Variants in TEAD1 observed in about 807,000 individuals in gnomAD.
The protein encoded by TEAD1 is TEA domain transcription factor 1.
A neutral mutation model predicts 54.9 loss-of-function variants in TEAD1; 9 were observed. The ratio of observed to expected loss-of-function variants is 0.16; its 90% CI spans 0.10 to 0.29. The LOEUF is 0.29. Among genes scored for constraint, TEAD1 ranks in the 10% least tolerant of loss-of-function variants. TEAD1 has a pLI of 1.00. For synonymous variants in TEAD1, 200 were observed against 187.8 expected (o/e 1.07, Z -0.53); for missense variants, 387 against 535.9 (o/e 0.72, Z 2.74).
chr11:12,742,294 C>A (rs1944663984), intron 2 of TEAD1, among the ~76,000 whole-genome samples: 1 of 152,124 alleles, frequency 6.6e-6, no homozygotes, highest in Non-Finnish European at 1.5e-5. Context: ...TTTTATTTAT[C>A]TGAATAACAG....
At position 12,781,645 on chromosome 11, in the gene TEAD1, TAAA is replaced by T. The variant is rs57397259; in HGVS notation, c.202+17222_202+17224del. On this transcript the variant is annotated intron_variant, in intron 3 of 12. Coordinates refer to ENST00000527636, the MANE Select transcript of TEAD1 (RefSeq NM_021961.6). The stretch of plus-strand genomic sequence containing the variant: ...TTATATCTCTTAGGATGGCTATCAT[TAAA>T]AAAAAAAAAACAGACAATAACAAGT... 6.9e-3 allele frequency among the ~76,000 whole-genome samples: 988 copies of T among 143,168 alleles called. 12 individuals carry two copies. The highest frequency in any genetic ancestry group is 0.024 in the African/African-American group (935 of 39,228). The allele number at this position is 143,168 out of a possible 152,430, so 93.9% of individuals were successfully genotyped here.
intron 3 of TEAD1, among the ~76,000 whole-genome samples, chr11:12,802,751 G>A (rs904140685): frequency 1.3e-5 from 2 of 152,178 alleles, no homozygotes; most frequent in East Asian, 1.9e-4. Flanking sequence ...TGCCGATTGC[G>A]CAAGGCTGGA....
At chr11:12,755,111 G>A (rs886075637) in intron 2 of TEAD1, among the ~76,000 whole-genome samples, 5 of 152,180 alleles carry the variant, frequency 3.3e-5, no homozygotes, top group Non-Finnish European at 5.9e-5. Flanking sequence ...GTAACATTGG[G>A]TGAGTCTCAC....
intron 9 of TEAD1, among the ~76,000 whole-genome samples, chr11:12,896,793 A>C (rs1948322425): frequency 6.6e-6 from 1 of 152,204 alleles, no homozygotes; most frequent in Admixed American, 6.5e-5. Context: ...TGCTCTGTAC[A>C]GTCACTCTGT....
chr11:12,755,396 T>C (rs1215361615), intron 2 of TEAD1, among the ~76,000 whole-genome samples: 1 of 152,218 alleles, frequency 6.6e-6, no homozygotes, highest in Non-Finnish European at 1.5e-5. Context: ...AGTGATGTGA[T>C]CCATAGGTTA....
intron 3 of TEAD1, among the ~76,000 whole-genome samples, chr11:12,766,239 T>C (rs1170375282): frequency 6.6e-6 from 1 of 152,240 alleles, no homozygotes; most frequent in African/African-American, 2.4e-5. Context: ...AAGTTAACTT[T>C]TGTCAACTCC....
intron 3 of TEAD1, among the ~76,000 whole-genome samples, chr11:12,769,315 C>A (rs2133932600): frequency 6.6e-6 from 1 of 152,254 alleles, no homozygotes; most frequent in South Asian, 2.1e-4. Flanking sequence ...AGGATTGCAT[C>A]TTTCTTTACT....
At chr11:12,895,896 G>C (rs1259850882) in intron 9 of TEAD1, among the ~76,000 whole-genome samples, 1 of 151,026 alleles carries the variant, frequency 6.6e-6, no homozygotes, top group Non-Finnish European at 1.5e-5. Flanking sequence ...TCTTAACATA[G>C]AAGACTACGA....
In TEAD1 at chr11:12,840,246, C is replaced by CAAAAAAAAAAAAAAAAAA. The variant is rs1176865272; in HGVS notation, c.203-21988_203-21987insAAAAAAAAAAAAAAAAAA. ...TGGGCGACAGAGCGAGACTCTGCCT[C>CAAAAAAAAAAAAAAAAAA]AAAAAAAAAAAAAAAAGAAAAAAAA... On this transcript the variant is annotated intron_variant, in intron 3 of 12. Coordinates refer to ENST00000527636, the MANE Select transcript of TEAD1 (RefSeq NM_021961.6). 2.3e-3 allele frequency among the ~76,000 whole-genome samples: 73 copies of CAAAAAAAAAAAAAAAAAA among 31,508 alleles called. 2 individuals are homozygous for CAAAAAAAAAAAAAAAAAA. Among genetic ancestry groups the CAAAAAAAAAAAAAAAAAA allele is most frequent in the Middle Eastern group, 0.019 (1 of 54 alleles). The allele number at this position is 31,508 out of a possible 152,430, so 20.7% of individuals were successfully genotyped here. A position where few individuals can be genotyped will look rare whatever the true frequency, so the allele number is the denominator to read the frequency against.
intron 3 of TEAD1, among the ~76,000 whole-genome samples, chr11:12,837,722 TTC>T (rs1300311503): frequency 1.8e-5 from 2 of 109,272 alleles, no homozygotes; most frequent in Non-Finnish European, 3.8e-5. Context: ...CTCCTTCTCC[TTC>T]TTCTTCTCCT....
chr11:12,944,674 C>T lies in TEAD1; in HGVS notation c.*7452C>T, dbSNP rs1466624935. Among the ~76,000 whole-genome samples, 1 of 152,068 alleles carries T rather than the reference C, an allele frequency of 6.6e-6. No individual in the cohort carries two copies. The highest frequency in any genetic ancestry group is 1.5e-5 in the Non-Finnish European group (1 of 68,018). ...TGATAAAGTGGTAGACATTTTGTAG[C>T]TTTCTAGAAACTTTGTATTCATACG... On this transcript the variant is annotated 3_prime_UTR_variant, in exon 13 of 13. Coordinates refer to ENST00000527636, the MANE Select transcript of TEAD1 (RefSeq NM_021961.6).
intron 3 of TEAD1, among the ~76,000 whole-genome samples, chr11:12,834,366 T>G (rs1946841262): frequency 6.6e-6 from 1 of 152,234 alleles, no homozygotes; most frequent in Non-Finnish European, 1.5e-5. Flanking sequence ...CATGACCTCC[T>G]TTTAAGGGCA....
At chr11:12,765,344 A>C (rs776120455) in intron 3 of TEAD1, among the ~76,000 whole-genome samples, 1 of 152,122 alleles carries the variant, frequency 6.6e-6, no homozygotes, top group Non-Finnish European at 1.5e-5. Context: ...TGCTTGTCTA[A>C]TTGAGCACGT....
intron 3 of TEAD1, among the ~76,000 whole-genome samples, chr11:12,831,979 GC>G (rs1239368221): frequency 6.6e-6 from 1 of 152,024 alleles, no homozygotes; most frequent in Non-Finnish European, 1.5e-5. Context: ...TAGGAAAGCT[GC>G]CCCCCGGCAA....
intron 2 of TEAD1, among the ~76,000 whole-genome samples, chr11:12,747,416 A>G (rs1024474155): frequency 6.6e-6 from 1 of 151,940 alleles, no homozygotes; most frequent in Admixed American, 6.6e-5. Context: ...GCTCACTGCA[A>G]CTCTGCCTCC....
At chr11:12,897,025 C>T (rs898569427) in intron 9 of TEAD1, among the ~76,000 whole-genome samples, 1 of 152,132 alleles carries the variant, frequency 6.6e-6, no homozygotes, top group African/African-American at 2.4e-5. Flanking sequence ...TCAAAATTAG[C>T]CTCCGTTTTG....
chr11:12,696,874 T>G (rs958411797), intron 2 of TEAD1, among the ~76,000 whole-genome samples: 4 of 152,024 alleles, frequency 2.6e-5, no homozygotes, highest in African/African-American at 9.7e-5. Context: ...GTATTGGGTT[T>G]GAGGGAACTG....
chr11:12,806,473 G>C (rs544819657), intron 3 of TEAD1, among the ~76,000 whole-genome samples: 12 of 151,930 alleles, frequency 7.9e-5, no homozygotes, highest in Admixed American at 7.2e-4. Flanking sequence ...TGGTCTAAAA[G>C]GTGAGGGTGT....
chr11:12,829,957 A>C (rs1315260127), intron 3 of TEAD1, among the ~76,000 whole-genome samples: 2 of 152,172 alleles, frequency 1.3e-5, no homozygotes, highest in Non-Finnish European at 2.9e-5. Context: ...GGGCAGGGAC[A>C]TTTCTGAGAA....
Sources: gnomAD v4.1 joint callset for allele counts (sites outside exome capture counted in the v4.1 genomes callset) on GRCh38, gnomAD v4.1.1 for gene constraint, MANE v1.5 for transcripts, NCBI Gene and HGNC (gene_info 2026-07-23, HGNC 2026-07-21) for gene names.